Variants in CAPZA2 observed in about 807,000 individuals in gnomAD.
The protein encoded by CAPZA2 is F-actin-capping protein subunit alpha-2.
CAPZA2 carries 13 observed loss-of-function variants against 44.0 expected under a neutral mutation model. The ratio of observed to expected loss-of-function variants is 0.30; its 90% CI spans 0.19 to 0.47. CAPZA2 has a LOEUF of 0.47. Among genes scored for constraint, CAPZA2 ranks in the 20% least tolerant of loss-of-function variants. The probability of loss-of-function intolerance (pLI) is 1.00; values close to 1 mark genes in which losing one functional copy is unlikely to be tolerated. For missense variants in CAPZA2, 244 were observed against 338.6 expected, an observed-to-expected ratio of 0.72 and a Z score of 2.19; for synonymous variants, 94 against 108.2, an observed-to-expected ratio of 0.87 and a Z score of 0.81.
At chr7:116,886,082 CAGAT>C (rs1200459863) in intron 1 of CAPZA2, 3 of 154,558 alleles carry the variant, frequency 1.9e-5, no homozygotes, top group Non-Finnish European at 4.4e-5. Flanking sequence ...TGTCAGATAC[CAGAT>C]AGATAACAAA....
rs145794075 is a variant in CAPZA2, at chr7:116,891,740, T to G, written c.104-1254T>G. Among the ~76,000 whole-genome samples the G allele has an allele frequency of 1.3e-3, 204 of 152,202 alleles. 6 individuals are homozygous for G. The East Asian group carries it at 0.036, about 27-fold the overall frequency. The stretch of plus-strand genomic sequence containing the variant: ...GTTAGCCAGGATGGTCTTGATCTCC[T>G]GACCTCGTGATCCACCCTCTTCGGC... On this transcript the variant is annotated intron_variant, in intron 2 of 9. Transcript: ENST00000361183.
At chr7:116,878,973 A>G (rs934231389) in intron 1 of CAPZA2, among the ~76,000 whole-genome samples, 14 of 151,944 alleles carry the variant, frequency 9.2e-5, no homozygotes, top group African/African-American at 3.4e-4. Context: ...TAAAAATACA[A>G]AAATTAGCCG....
chr7:116,886,388 G>C (rs956025974), intron 1 of CAPZA2, among the ~76,000 whole-genome samples: 6 of 152,112 alleles, frequency 3.9e-5, no homozygotes, highest in Admixed American at 3.9e-4. Context: ...CCTCTAACTA[G>C]GAACATCTTC....
At chr7:116,916,352 C>T (rs12706120) in intron 9 of CAPZA2, among the ~76,000 whole-genome samples, 43,441 of 152,144 alleles carry the variant, frequency 0.29, 6,429 homozygotes, top group East Asian at 0.41. Flanking sequence ...CTAGGCCGAG[C>T]GCGGAGGCTC....
rs143813972 is a variant in CAPZA2 at position 116,921,612 on chromosome 7, G to A, written c.*3745G>A. On this transcript the variant is annotated 3_prime_UTR_variant, in exon 10 of 10. Coordinates refer to ENST00000361183, the MANE Select transcript of CAPZA2 (RefSeq NM_006136.3). ...GCAGGAGAATCTTTGAACCCAGGAA[G>A]TGACAGTTACAACGAGCGGAGACTG... The A allele has an allele frequency of 1.4e-4, 22 of 152,396 alleles. No homozygotes were observed. The East Asian group carries it at 1.5e-3, about 11-fold the overall frequency. 9.4% of individuals were successfully genotyped at this position (152,396 alleles called of 1,614,324 possible). A position where few individuals can be genotyped will look rare whatever the true frequency, so the allele number is the denominator to read the frequency against.
At chr7:116,870,297 T>A (rs938930788) in intron 1 of CAPZA2, among the ~76,000 whole-genome samples, 3 of 152,066 alleles carry the variant, frequency 2.0e-5, no homozygotes, top group Non-Finnish European at 2.9e-5. Context: ...ATGGTAAACA[T>A]CAGTTGGGGT....
At chr7:116,917,204 T>A (rs1230100605) in intron 9 of CAPZA2, among the ~76,000 whole-genome samples, 1 of 152,118 alleles carries the variant, frequency 6.6e-6, no homozygotes, top group Non-Finnish European at 1.5e-5. Context: ...TTCATTAAGT[T>A]TATTCAAAAT....
intron 5 of CAPZA2, among the ~76,000 whole-genome samples, chr7:116,905,608 A>G (rs1014763446): frequency 4.6e-5 from 7 of 152,228 alleles, no homozygotes; most frequent in African/African-American, 1.7e-4. Flanking sequence ...ACATAACCTC[A>G]AATATCTTAT....
intron 8 of CAPZA2, among the ~76,000 whole-genome samples, chr7:116,912,494 C>G (rs747603742): frequency 6.6e-6 from 1 of 152,164 alleles, no homozygotes; most frequent in Admixed American, 6.5e-5. Flanking sequence ...AGCCCTTCCC[C>G]CAGAACCCTC....
In CAPZA2 at chr7:116,881,607, T is replaced by TGCC. The variant is rs1562958361; in HGVS notation, c.40-6519_40-6518insCCG. ...ACAAAAAATTAGCCGGGCGTGGTGG[T>TGCC]GGGTGCCTGTAGTCCCAGCTACTTG... On this transcript the variant is annotated intron_variant, in intron 1 of 9. Transcript: ENST00000361183. Among the ~76,000 whole-genome samples the TGCC allele has an allele frequency of 4.0e-5, 6 of 151,242 alleles. No individual in the cohort carries two copies. The South Asian group carries it at 1.1e-3, about 27-fold the overall frequency.
At chr7:116,893,709 C>T (rs950416363) in intron 3 of CAPZA2, among the ~76,000 whole-genome samples, 3 of 152,132 alleles carry the variant, frequency 2.0e-5, no homozygotes, top group African/African-American at 7.2e-5. Context: ...ACCCTAATAG[C>T]TTTTGAGAGC....
At position 116,898,754 on chromosome 7, in the gene CAPZA2, C is replaced by T; in HGVS notation, c.156-18C>T. 6.6e-7 allele frequency: 1 copy of T among 1,512,912 alleles called. No individual in the cohort carries two copies. Among genetic ancestry groups the T allele is most frequent in the Non-Finnish European group, 9.0e-7 (1 of 1,115,678 alleles). 93.7% of individuals were successfully genotyped at this position (1,512,912 alleles called of 1,614,324 possible). On this transcript the variant is annotated intron_variant, in intron 3 of 9. Transcript: ENST00000361183. Reference sequence around the variant, plus strand: ...TTAAATATATAATTTTAAGTAATTGCCATTTTCTTTTTTTTAGTGCATTTG... The same window carrying T: ...TTAAATATATAATTTTAAGTAATTGTCATTTTCTTTTTTTTAGTGCATTTG...
At chr7:116,877,985 G>C (rs1796642766) in intron 1 of CAPZA2, among the ~76,000 whole-genome samples, 1 of 152,202 alleles carries the variant, frequency 6.6e-6, no homozygotes, top group East Asian at 1.9e-4. Flanking sequence ...GAATGGACTT[G>C]AGCAAGAGAC....
intron 1 of CAPZA2, among the ~76,000 whole-genome samples, chr7:116,879,145 AAAAAG>A (rs1562957848): frequency 1.0e-4 from 15 of 150,050 alleles, no homozygotes; most frequent in African/African-American, 3.5e-4. Flanking sequence ...AAAAAAAAAA[AAAAAG>A]AAAAGAATAC....
intron 2 of CAPZA2, chr7:116,888,753 T>G (rs574987170): frequency 1.3e-5 from 2 of 151,242 alleles, no homozygotes; most frequent in African/African-American, 2.4e-5. Context: ...GGGAATCATT[T>G]GAGCTCAGGA....
rs1001947413 is a variant in CAPZA2, at chr7:116,908,592, T to C, written c.507-1641T>C. Among the ~76,000 whole-genome samples the C allele has an allele frequency of 2.4e-4, 37 of 152,222 alleles. 1 individual carries two copies. The highest frequency in any genetic ancestry group is 4.0e-4 in the Non-Finnish European group (27 of 68,028). On this transcript the variant is annotated intron_variant, in intron 6 of 9. Transcript: ENST00000361183. Reference sequence around the variant, plus strand: ...GTAATTAATGCCTTTGGAAGAATCTTTTGAAATAGTTCTCAAATTGGTACC... The same window carrying C: ...GTAATTAATGCCTTTGGAAGAATCTCTTGAAATAGTTCTCAAATTGGTACC...
At chr7:116,907,440 TATTACTA>T (rs982201945) in intron 6 of CAPZA2, among the ~76,000 whole-genome samples, 1 of 152,172 alleles carries the variant, frequency 6.6e-6, no homozygotes, top group African/African-American at 2.4e-5. Context: ...TTTATAAAAT[TATTACTA>T]ATTTATGTTA....
Position 116,898,792 on chromosome 7 carries a change from T to C in CAPZA2, c.176T>C (p.Leu59Ser), listed in dbSNP as rs770069634. The change falls in exon 4 of 10, where the codon TTG becomes TCG. Residue 59 changes from leucine to serine, a missense_variant. Physicochemically the swap from Leu to Ser is moderately radical, Grantham distance 145. Coordinates refer to ENST00000361183, the MANE Select transcript of CAPZA2 (RefSeq NM_006136.3). ...TTTAGTGCATTTGCACAGTATAACT[T>C]GGACCAGTTTACTCCAGTAAAAATT... ...GAAHAFAQYNLDQFTPVKIEG... is the reference protein window; with the variant it reads ...GAAHAFAQYNSDQFTPVKIEG... The C allele has an allele frequency of 2.5e-6, 4 of 1,598,616 alleles. No homozygotes were observed. The Middle Eastern group carries it at 6.7e-4, about 266-fold the overall frequency.
At position 116,915,974 on chromosome 7, in the gene CAPZA2, A is replaced by G. The variant is rs941233661; in HGVS notation, c.658-86A>G. The G allele has an allele frequency of 1.7e-5, 15 of 889,976 alleles. No homozygotes were observed. In the African/African-American group the frequency reaches 2.1e-4, roughly 13 times the overall value. The allele number at this position is 889,976 out of a possible 1,614,324, so 55.1% of individuals were successfully genotyped here. ...AATTTCCTTCTGTGTTATTTATTATAACATTACATTAACCATACATATATT... is the reference window on the plus strand; with the variant it reads ...AATTTCCTTCTGTGTTATTTATTATGACATTACATTAACCATACATATATT... On this transcript the variant is annotated intron_variant, in intron 8 of 9. Coordinates refer to ENST00000361183, the MANE Select transcript of CAPZA2 (RefSeq NM_006136.3).
Sources: gnomAD v4.1 joint callset for allele counts (sites outside exome capture counted in the v4.1 genomes callset) on GRCh38, gnomAD v4.1.1 for gene constraint, MANE v1.5 for transcripts, NCBI Gene and HGNC (gene_info 2026-07-23, HGNC 2026-07-21) for gene names.